TNR: variants seen among roughly 807,000 people sequenced by gnomAD.
TNR encodes the protein tenascin-R.
In TNR, 45 loss-of-function variants were observed where a neutral mutation model predicts 150.4. The observed-to-expected ratio is 0.30, with a 90% CI of 0.24 to 0.38. TNR has a LOEUF of 0.38. TNR is among the 10% of genes least tolerant of loss of function. The probability of loss-of-function intolerance (pLI) is 1.00; values close to 1 mark genes in which losing one functional copy is unlikely to be tolerated. For missense variants in TNR, 1,544 were observed against 1,759.1 expected (o/e 0.88, Z 2.19); for synonymous variants, 687 against 678.4 (o/e 1.01, Z -0.20).
chr1:175,446,065 C>CT (rs1656033815), intron 2 of TNR, among the ~76,000 whole-genome samples: 1 of 152,196 alleles, frequency 6.6e-6, no homozygotes, highest in Non-Finnish European at 1.5e-5. Context: ...AATTGTGGCT[C>CT]TTTTTTTCTT....
intron 1 of TNR, among the ~76,000 whole-genome samples, chr1:175,717,659 A>G (rs1667189557): frequency 6.6e-6 from 1 of 152,204 alleles, no homozygotes. Flanking sequence ...ACCTGAGGTC[A>G]TGGGCCCAGT....
At chr1:175,549,975 T>C (rs1660872318) in intron 1 of TNR, among the ~76,000 whole-genome samples, 1 of 152,210 alleles carries the variant, frequency 6.6e-6, no homozygotes, top group Non-Finnish European at 1.5e-5. Context: ...TAACCTGCTA[T>C]TTTTGTGATA....
chr1:175,631,925 C>T (rs113592489), intron 1 of TNR, among the ~76,000 whole-genome samples: 2,765 of 152,242 alleles, frequency 0.018, 104 homozygotes, highest in African/African-American at 0.064. Flanking sequence ...ATTTTAAAAT[C>T]ATGTTTAAGT....
intron 1 of TNR, among the ~76,000 whole-genome samples, chr1:175,688,515 A>G (rs1219955740): frequency 6.6e-6 from 1 of 152,162 alleles, no homozygotes; most frequent in East Asian, 1.9e-4. Flanking sequence ...TCTGTTGCAG[A>G]CCCCAAATGC....
At chr1:175,512,618 A>G (rs1363716628) in intron 2 of TNR, among the ~76,000 whole-genome samples, 2 of 152,226 alleles carry the variant, frequency 1.3e-5, no homozygotes, top group African/African-American at 2.4e-5. Context: ...TAGAATGGAG[A>G]CTAAAAGAGT....
chr1:175,618,388 G>C (rs1427250046), intron 1 of TNR, among the ~76,000 whole-genome samples: 1 of 152,162 alleles, frequency 6.6e-6, no homozygotes, highest in African/African-American at 2.4e-5. Context: ...TAGCATCAAT[G>C]CAGACAGTAC....
intron 20 of TNR, 138 bp from the exon 21 acceptor site, chr1:175,330,373 A>C (rs1394372649): frequency 6.5e-6 from 6 of 919,470 alleles, no homozygotes; most frequent in African/African-American, 1.7e-5. Flanking sequence ...TTGGTGCTTC[A>C]CAGGTTGTTA....
At chr1:175,559,494 C>T (rs1661330264) in intron 1 of TNR, among the ~76,000 whole-genome samples, 1 of 152,060 alleles carries the variant, frequency 6.6e-6, no homozygotes, top group Non-Finnish European at 1.5e-5. Flanking sequence ...CCTCCCTTTC[C>T]ACTGAGACAT....
chr1:175,381,373 A>C (rs1426767105), intron 8 of TNR, among the ~76,000 whole-genome samples: 1 of 152,178 alleles, frequency 6.6e-6, no homozygotes, highest in African/African-American at 2.4e-5. Flanking sequence ...TGGAAATGTT[A>C]AACTATGGTT....
chr1:175,565,357 C>T (rs753782949), intron 1 of TNR, among the ~76,000 whole-genome samples: 4 of 152,214 alleles, frequency 2.6e-5, no homozygotes, highest in Non-Finnish European at 5.9e-5. Flanking sequence ...TCAGACAAAC[C>T]GGTGGAGGAT....
rs756522980 is a variant in TNR, at chr1:175,486,700, C to G, written c.-64+41569G>C. Among the ~76,000 whole-genome samples, 10 of 152,240 alleles carry G rather than the reference C, an allele frequency of 6.6e-5. 1 individual carries two copies. The South Asian group carries it at 1.0e-3, about 16-fold the overall frequency. Reference sequence around the variant, plus strand: ...TTTAGATCCTTGAGGAATTGCCACACTGTCTTCCACAATGGTTGAACTAAT... The same window carrying G: ...TTTAGATCCTTGAGGAATTGCCACAGTGTCTTCCACAATGGTTGAACTAAT... On this transcript the variant is annotated intron_variant, in intron 2 of 22. Transcript: ENST00000367674.
intron 2 of TNR, among the ~76,000 whole-genome samples, chr1:175,499,269 C>T (rs1222455558): frequency 1.3e-5 from 2 of 152,128 alleles, no homozygotes; most frequent in East Asian, 1.9e-4. Context: ...AAGCATGCCT[C>T]GTGAGTAATA....
intron 1 of TNR, among the ~76,000 whole-genome samples, chr1:175,576,592 C>G (rs1479454583): frequency 6.6e-6 from 1 of 152,158 alleles, no homozygotes; most frequent in Non-Finnish European, 1.5e-5. Flanking sequence ...CAGCTACTCA[C>G]ATAAAAGCAT....
At chr1:175,619,468 C>G (rs905219619) in intron 1 of TNR, among the ~76,000 whole-genome samples, 4 of 152,148 alleles carry the variant, frequency 2.6e-5, no homozygotes, top group African/African-American at 9.7e-5. Flanking sequence ...GATAACCCAC[C>G]TGATGTATTG....
chr1:175,741,206 C>T lies in TNR; in HGVS notation c.-165+2020G>A, dbSNP rs565203652. ...CTGCACATGAGCATTACTGCATTTC[C>T]TAGGTGAGGGAATATTAGCAGGCTA... is the stretch of plus-strand genomic sequence containing the variant. On this transcript the variant is annotated intron_variant, in intron 1 of 22. Transcript: ENST00000367674. Among the ~76,000 whole-genome samples, 12 of 152,326 alleles carry T rather than the reference C, an allele frequency of 7.9e-5. No individual in the cohort carries two copies. In the East Asian group the frequency reaches 1.2e-3, roughly 15 times the overall value.
rs191291142 is a variant in TNR, at chr1:175,650,314, C to T, written c.-165+92912G>A. ...ACGAGCATCTCTTGAACCCGGGAGG[C>T]GGAGGATGAAGTGAGCTAAGATCAT... On this transcript the variant is annotated intron_variant, in intron 1 of 22. Transcript: ENST00000367674. 3.6e-3 allele frequency among the ~76,000 whole-genome samples: 547 copies of T among 151,984 alleles called. 2 individuals carry two copies. The highest frequency in any genetic ancestry group is 0.012 in the African/African-American group (501 of 41,428).
At chr1:175,428,900 T>G (rs779286022) in intron 2 of TNR, among the ~76,000 whole-genome samples, 4 of 151,922 alleles carry the variant, frequency 2.6e-5, no homozygotes, top group Non-Finnish European at 5.9e-5. Context: ...GAATCCATTC[T>G]GCTTTCCCCA....
chr1:175,589,456 C>T (rs1184627148), intron 1 of TNR, among the ~76,000 whole-genome samples: 1 of 152,192 alleles, frequency 6.6e-6, no homozygotes, highest in East Asian at 1.9e-4. Flanking sequence ...CTCACTCAGT[C>T]ACCATCTCCC....
chr1:175,324,369 G>T lies in TNR; in HGVS notation c.3944C>A (p.Ser1315Tyr). The change falls in exon 22 of 23, where the codon TCC (serine) becomes TAC (tyrosine). Residue 1315 changes from serine to tyrosine, a missense_variant. Coordinates refer to ENST00000367674, the MANE Select transcript of TNR (RefSeq NM_003285.3). ...RTNLNGKYGE[S>Y]RHSQGINWYH... ...AGCATCGCTTACCTGACTGTGCCTG[G>T]ACTCCCCGTACTTCCCATTGAGGTT... 6.2e-7 allele frequency: 1 copy of T among 1,613,732 alleles called. No individual in the cohort carries two copies. The highest frequency in any genetic ancestry group is 8.5e-7 in the Non-Finnish European group (1 of 1,179,952).
Sources: gnomAD v4.1 joint callset for allele counts (sites outside exome capture counted in the v4.1 genomes callset) on GRCh38, gnomAD v4.1.1 for gene constraint, MANE v1.5 for transcripts, NCBI Gene and HGNC (gene_info 2026-07-23, HGNC 2026-07-21) for gene names.